PTPRE: variants seen among roughly 807,000 people sequenced by gnomAD.
The protein encoded by PTPRE is receptor-type tyrosine-protein phosphatase epsilon.
In PTPRE, 51 loss-of-function variants were observed where a neutral mutation model predicts 102.0. That is an observed-to-expected ratio of 0.50 (90% CI 0.40 to 0.63). The LOEUF is 0.63. Among genes scored for constraint, PTPRE ranks in the 30% least tolerant of loss-of-function variants. PTPRE has a pLI of 0.00. For synonymous variants in PTPRE, 345 were observed against 348.2 expected (o/e 0.99, Z 0.10); for missense variants, 752 against 915.1 (o/e 0.82, Z 2.30).
At chr10:127,912,622 A>G (rs1344060932) in intron 1 of PTPRE, among the ~76,000 whole-genome samples, 1 of 152,238 alleles carries the variant, frequency 6.6e-6, no homozygotes, top group East Asian at 1.9e-4. Flanking sequence ...TAAAGAATTG[A>G]TAGGAAAACT....
intron 11 of PTPRE, among the ~76,000 whole-genome samples, chr10:128,067,117 C>G (rs1850218400): frequency 6.7e-6 from 1 of 149,614 alleles, no homozygotes; most frequent in Non-Finnish European, 1.5e-5. Context: ...CACAACCGTA[C>G]AATGCATGCA....
Position 128,085,019 on chromosome 10 carries a change from C to A in PTPRE, c.*2113C>A, listed in dbSNP as rs1456954242. On this transcript the variant is annotated 3_prime_UTR_variant, in exon 21 of 21. Coordinates refer to ENST00000254667, the MANE Select transcript of PTPRE (RefSeq NM_006504.6). ...TTTTTTTCCTGTCCCCTTAGACCAA[C>A]CCCAGGTGTCCACTGCAGGGGTTCT... 6 of 445,752 alleles carry A rather than the reference C, an allele frequency of 1.3e-5. No individual in the cohort carries two copies. In the East Asian group the frequency reaches 2.8e-4, roughly 21 times the overall value. The allele number at this position is 445,752 out of a possible 1,614,324, so 27.6% of individuals were successfully genotyped here. A position where few individuals can be genotyped will look rare whatever the true frequency, so the allele number is the denominator to read the frequency against.
chr10:128,069,578 C>CA (rs531693679), intron 12 of PTPRE, 114 bp from the exon 13 acceptor site: 32 of 1,451,784 alleles, frequency 2.2e-5, no homozygotes, highest in Admixed American at 2.0e-4. Flanking sequence ...CCTAATTAAC[C>CA]AAAAAAACAA....
chr10:127,931,188 G>A (rs1847417559), intron 1 of PTPRE, among the ~76,000 whole-genome samples: 1 of 152,146 alleles, frequency 6.6e-6, no homozygotes, highest in Admixed American at 6.6e-5. Context: ...GTGACTCACA[G>A]TGTCCAGTAT....
rs151100426 is a variant in PTPRE, at chr10:128,043,803, G to A, written c.109+2813G>A. 5.8e-3 allele frequency among the ~76,000 whole-genome samples: 878 copies of A among 152,302 alleles called. 12 individuals are homozygous for A. Among genetic ancestry groups the A allele is most frequent in the Middle Eastern group, 0.034 (10 of 294 alleles). On this transcript the variant is annotated intron_variant, in intron 3 of 20. Coordinates refer to ENST00000254667, the MANE Select transcript of PTPRE (RefSeq NM_006504.6). ...AATCCAAGCAGCTATTAAACAGAAT[G>A]AGGAAGCTTATCTGGGCTGACATGG... is the stretch of plus-strand genomic sequence containing the variant.
At chr10:127,980,338 C>CTTTTTTTTTTTTTT (rs11336623) in intron 1 of PTPRE, among the ~76,000 whole-genome samples, 1 of 143,974 alleles carries the variant, frequency 6.9e-6, no homozygotes. Context: ...TATACAAATC[C>CTTTTTTTTTTTTTT]TTTTTTTTTT....
intron 2 of PTPRE, among the ~76,000 whole-genome samples, chr10:127,989,359 A>C (rs1454667605): frequency 6.6e-6 from 1 of 150,446 alleles, no homozygotes; most frequent in Non-Finnish European, 1.5e-5. Context: ...TTAAACAAAA[A>C]TTGCATTTCT....
intron 2 of PTPRE, among the ~76,000 whole-genome samples, chr10:127,984,006 C>A (rs1411758674): frequency 1.3e-5 from 2 of 151,926 alleles, no homozygotes; most frequent in Non-Finnish European, 2.9e-5. Context: ...GGGTAGTTGG[C>A]GGCCAGAGCC....
Position 127,963,231 on chromosome 10 carries a change from C to T in PTPRE, c.-30-19043C>T, listed in dbSNP as rs370233786. 3.9e-5 allele frequency among the ~76,000 whole-genome samples: 6 copies of T among 152,248 alleles called. No homozygotes were observed. In the East Asian group the frequency reaches 5.8e-4, roughly 15 times the overall value. ...GCCTGCAACTGTATGGACCCATTCT[C>T]CACACCACACACAGACCAGCAGAAA... On this transcript the variant is annotated intron_variant, in intron 1 of 20. Transcript: ENST00000254667.
At chr10:127,943,482 C>T (rs1347043198) in intron 1 of PTPRE, among the ~76,000 whole-genome samples, 1 of 152,168 alleles carries the variant, frequency 6.6e-6, no homozygotes, top group Non-Finnish European at 1.5e-5. Context: ...TTCTCCCATG[C>T]AGGAGGGAGA....
intron 2 of PTPRE, among the ~76,000 whole-genome samples, chr10:128,014,355 G>A (rs1198156322): frequency 1.3e-5 from 2 of 152,132 alleles, no homozygotes; most frequent in African/African-American, 2.4e-5. Flanking sequence ...TATAAATAAT[G>A]CATGCACATT....
chr10:128,062,795 G>A (rs531784245), intron 9 of PTPRE: 6 of 409,076 alleles, frequency 1.5e-5, no homozygotes, highest in Non-Finnish European at 2.6e-5. Context: ...ACACTTGGCT[G>A]TAGACCCAGC....
At position 127,970,062 on chromosome 10, in the gene PTPRE, G is replaced by A. The variant is rs201961812; in HGVS notation, c.-30-12212G>A. Among the ~76,000 whole-genome samples the A allele has an allele frequency of 5.9e-4, 89 of 151,526 alleles. 1 individual carries two copies. The East Asian group carries it at 0.015, about 26-fold the overall frequency. ...AATGTTGAAGCTGAGTTCTTTTTTT[G>A]TTTTTCATATAAGTACTTACACACA... On this transcript the variant is annotated intron_variant, in intron 1 of 20. Transcript: ENST00000254667.
In PTPRE at chr10:128,068,290, C is replaced by T. The variant is rs139154436; in HGVS notation, c.1007+4C>T. On this transcript the variant is annotated splice_donor_region_variant and intron_variant, in intron 12 of 20. Coordinates refer to ENST00000254667, the MANE Select transcript of PTPRE (RefSeq NM_006504.6). ...GGCCCATCGTGGTCCACTGTAGGTACGCTGTGGGGGCCACGGGGCGGGACC... is the reference window on the plus strand; with the variant it reads ...GGCCCATCGTGGTCCACTGTAGGTATGCTGTGGGGGCCACGGGGCGGGACC... The T allele has an allele frequency of 2.5e-4, 410 of 1,609,842 alleles. No individual in the cohort carries two copies. The highest frequency in any genetic ancestry group is 5.0e-4 in the Middle Eastern group (3 of 6,034).
intron 1 of PTPRE, among the ~76,000 whole-genome samples, chr10:127,980,265 C>A (rs1224653024): frequency 1.3e-5 from 2 of 151,926 alleles, no homozygotes; most frequent in Non-Finnish European, 2.9e-5. Context: ...TATAGCTGCC[C>A]CAGTAGGTGC....
intron 2 of PTPRE, among the ~76,000 whole-genome samples, chr10:128,031,080 C>A (rs994870490): frequency 1.3e-5 from 2 of 152,370 alleles, no homozygotes; most frequent in African/African-American, 4.8e-5. Flanking sequence ...CACATCCTGG[C>A]AGTCAACTCT....
rs139999281 is a variant in PTPRE at position 127,935,094 on chromosome 10, A to T, written c.-31+27785A>T. Among the ~76,000 whole-genome samples, 801 of 152,020 alleles carry T rather than the reference A, an allele frequency of 5.3e-3. 3 individuals carry two copies. Among genetic ancestry groups the T allele is most frequent in the Non-Finnish European group, 8.4e-3 (573 of 67,958 alleles). ...CTTCTCTCCTCCCGTTTCCATGGAG[A>T]GGCTGGCACCAGGACGCGTGACTGA... On this transcript the variant is annotated intron_variant, in intron 1 of 20. Transcript: ENST00000254667.
chr10:127,945,163 C>T (rs1454831140), intron 1 of PTPRE, among the ~76,000 whole-genome samples: 1 of 152,206 alleles, frequency 6.6e-6, no homozygotes, highest in Non-Finnish European at 1.5e-5. Flanking sequence ...TGCCCAGTAC[C>T]TGGTTGGTTT....
intron 1 of PTPRE, among the ~76,000 whole-genome samples, chr10:127,925,695 C>T (rs1464821753): frequency 1.3e-5 from 2 of 152,142 alleles, no homozygotes; most frequent in Non-Finnish European, 2.9e-5. Context: ...CCAAAGCATC[C>T]CTGGGGCTAT....
Sources: gnomAD v4.1 joint callset for allele counts (sites outside exome capture counted in the v4.1 genomes callset) on GRCh38, gnomAD v4.1.1 for gene constraint, MANE v1.5 for transcripts, NCBI Gene and HGNC (gene_info 2026-07-23, HGNC 2026-07-21) for gene names.